Variants in NRG3 observed in about 807,000 individuals in gnomAD.
NRG3 encodes the protein neuregulin 3.
Under a neutral mutation model 66.9 loss-of-function variants are expected in NRG3, and 31 were observed. The observed-to-expected ratio is 0.46, with a 90% CI of 0.35 to 0.63. The LOEUF (loss-of-function observed/expected upper bound fraction) is 0.63, where lower values mean the gene tolerates loss of function less well. Ranked by LOEUF, NRG3 falls within the 20% of genes least tolerant of loss-of-function variation. The pLI, the probability that NRG3 is intolerant of heterozygous loss-of-function variation, is 0.00. For synonymous variants in NRG3, 393 were observed against 359.4 expected (o/e 1.09, Z -1.06); for missense variants, 910 against 878.9 (o/e 1.04, Z -0.45).
intron 1 of NRG3, among the ~76,000 whole-genome samples, chr10:82,040,899 G>A (rs1259034471): frequency 6.6e-6 from 1 of 152,056 alleles, no homozygotes; most frequent in Non-Finnish European, 1.5e-5. Flanking sequence ...AGCCTTCTTA[G>A]TGGAAACATA....
At chr10:82,079,811 A>T (rs1309719290) in intron 1 of NRG3, among the ~76,000 whole-genome samples, 1 of 152,152 alleles carries the variant, frequency 6.6e-6, no homozygotes, top group Non-Finnish European at 1.5e-5. Flanking sequence ...ATGCTGAATA[A>T]TATTCTGTTG....
intron 1 of NRG3, among the ~76,000 whole-genome samples, chr10:82,321,332 C>G (rs887967301): frequency 1.3e-5 from 2 of 150,392 alleles, no homozygotes; most frequent in African/African-American, 5.0e-5. Flanking sequence ...TCTCCTGTTT[C>G]ACCTGCAGCC....
At chr10:82,752,897 A>G (rs752169419) in intron 3 of NRG3, among the ~76,000 whole-genome samples, 2 of 152,146 alleles carry the variant, frequency 1.3e-5, no homozygotes, top group African/African-American at 2.4e-5. Context: ...GACCCAGTTT[A>G]TGGTATTTTG....
At chr10:82,348,606 C>T (rs1490390983) in intron 1 of NRG3, among the ~76,000 whole-genome samples, 20 of 145,874 alleles carry the variant, frequency 1.4e-4, no homozygotes, top group Admixed American at 1.1e-3. Context: ...TGAATCTGAA[C>T]GTTGGCCTGC....
chr10:82,772,290 CAT>C (rs757353558), intron 3 of NRG3, among the ~76,000 whole-genome samples: 4 of 148,922 alleles, frequency 2.7e-5, no homozygotes, highest in East Asian at 4.0e-4. Flanking sequence ...AGTCAGAAAA[CAT>C]ATAGTTACTT....
At chr10:82,620,122 G>A (rs906535236) in intron 2 of NRG3, among the ~76,000 whole-genome samples, 5 of 152,214 alleles carry the variant, frequency 3.3e-5, no homozygotes, top group Middle Eastern at 3.4e-3. Flanking sequence ...GGGTGCCTGC[G>A]GCCCCCAAAG....
At chr10:82,597,437 C>T (rs1475792563) in intron 2 of NRG3, among the ~76,000 whole-genome samples, 2 of 152,166 alleles carry the variant, frequency 1.3e-5, no homozygotes, top group African/African-American at 4.8e-5. Context: ...TTTATCCATA[C>T]AGTACCTTCA....
chr10:82,842,771 G>A (rs548296271), intron 3 of NRG3, among the ~76,000 whole-genome samples: 1 of 152,164 alleles, frequency 6.6e-6, no homozygotes, highest in South Asian at 2.1e-4. Flanking sequence ...CCATACCAGA[G>A]TTGTAGTGGT....
intron 3 of NRG3, among the ~76,000 whole-genome samples, chr10:82,836,857 A>T (rs1407664575): frequency 6.6e-6 from 1 of 151,462 alleles, no homozygotes; most frequent in African/African-American, 2.4e-5. Context: ...TCATCATTTA[A>T]CATTAGGTAT....
chr10:82,556,355 A>G (rs2044651073), intron 2 of NRG3, among the ~76,000 whole-genome samples: 1 of 152,110 alleles, frequency 6.6e-6, no homozygotes, highest in African/African-American at 2.4e-5. Flanking sequence ...CTCTAGAGCT[A>G]GTTAAATTCT....
intron 1 of NRG3, among the ~76,000 whole-genome samples, chr10:82,201,972 A>G (rs996928293): frequency 4.5e-4 from 69 of 152,166 alleles, no homozygotes; most frequent in African/African-American, 1.5e-3. Flanking sequence ...GACAATTGAT[A>G]TACACCCATC....
At chr10:82,023,980 TG>T (rs1336779350) in intron 1 of NRG3, among the ~76,000 whole-genome samples, 1 of 152,132 alleles carries the variant, frequency 6.6e-6, no homozygotes, top group East Asian at 1.9e-4. Context: ...TATCAGGTCT[TG>T]GGCTTTTCTT....
chr10:82,082,439 G>A (rs1246369667), intron 1 of NRG3, among the ~76,000 whole-genome samples: 1 of 152,194 alleles, frequency 6.6e-6, no homozygotes, highest in Non-Finnish European at 1.5e-5. Context: ...TCAAGGAAGT[G>A]TTAAGGTTAT....
At chr10:82,163,240 A>G (rs1254667335) in intron 1 of NRG3, among the ~76,000 whole-genome samples, 1 of 152,192 alleles carries the variant, frequency 6.6e-6, no homozygotes, top group Admixed American at 6.5e-5. Flanking sequence ...GATTATTTCA[A>G]AAAGTGCCCA....
chr10:82,723,174 G>A (rs1565241353), intron 2 of NRG3, among the ~76,000 whole-genome samples: 1 of 152,114 alleles, frequency 6.6e-6, no homozygotes, highest in African/African-American at 2.4e-5. Context: ...CACAAAACAT[G>A]GATGCAGCTA....
At chr10:82,003,971 A>G (rs1231352075) in intron 1 of NRG3, among the ~76,000 whole-genome samples, 7 of 146,700 alleles carry the variant, frequency 4.8e-5, no homozygotes, top group Non-Finnish European at 8.9e-5. Context: ...TGGGTGCTGT[A>G]AGGATACCTG....
chr10:82,376,533 C>CTAT (rs1161887271), intron 2 of NRG3, among the ~76,000 whole-genome samples: 1 of 152,174 alleles, frequency 6.6e-6, no homozygotes, highest in African/African-American at 2.4e-5. Context: ...AGAGATCATG[C>CTAT]TATTTATCTG....
chr10:82,613,358 G>C (rs879311653), intron 2 of NRG3, among the ~76,000 whole-genome samples: 1 of 151,370 alleles, frequency 6.6e-6, no homozygotes, highest in Non-Finnish European at 1.5e-5. Flanking sequence ...AGTTATATTT[G>C]AATTTTCAGA....
chr10:81,889,111 A>G (rs1255420297), intron 1 of NRG3: 1 of 152,196 alleles, frequency 6.6e-6, no homozygotes, highest in African/African-American at 2.4e-5. Context: ...AAAATTTGCA[A>G]GTAGAGATAC....
Sources: allele counts gnomAD v4.1 joint callset (sites outside exome capture counted in the v4.1 genomes callset), GRCh38; gene constraint gnomAD v4.1.1; transcripts MANE v1.5; gene names NCBI Gene and HGNC (gene_info 2026-07-23, HGNC 2026-07-21).